CEP295: variants seen among roughly 807,000 people sequenced by gnomAD.
The protein encoded by CEP295 is centrosomal protein of 295 kDa.
A neutral mutation model predicts 291.6 loss-of-function variants in CEP295; 190 were observed. That is an observed-to-expected ratio of 0.65 (90% CI 0.58 to 0.73). The LOEUF is 0.73. Ranked by LOEUF, CEP295 falls within the 30% of genes least tolerant of loss-of-function variation. The probability of loss-of-function intolerance (pLI) is 0.00; values close to 1 mark genes in which losing one functional copy is unlikely to be tolerated. For synonymous variants in CEP295, 993 were observed against 1,038.8 expected (o/e 0.96, Z 0.85); for missense variants, 2,863 against 2,949.4 (o/e 0.97, Z 0.68).
intron 18 of CEP295, among the ~76,000 whole-genome samples, chr11:93,711,771 A>G (rs2022984): frequency 6.6e-6 from 1 of 151,882 alleles, no homozygotes; most frequent in African/African-American, 2.4e-5. Context: ...TCAGCCTCCC[A>G]AAGTGCTGGG....
Position 93,699,161 on chromosome 11 carries a change from C to A in CEP295, c.4249C>A (p.Gln1417Lys), listed in dbSNP as rs776065743. ...ACCTCTTAATGAATCTGAAAGAAAC[C>A]AAGAACCATGTTCAATTAACAGTGA... ...SLPLNESERN[Q>K]EPCSINSDNI... The change falls in exon 15 of 30, where the codon CAA (glutamine) becomes AAA (lysine). Residue 1417 changes from glutamine to lysine, a missense_variant. This residue lies in a region of CEP295 where 2,295 missense variants were observed against 2,335.7 expected (regional missense o/e 0.98). Coordinates refer to ENST00000325212, the MANE Select transcript of CEP295 (RefSeq NM_033395.2). The A allele has an allele frequency of 1.9e-6, 3 of 1,551,792 alleles. No homozygotes were observed. The highest frequency in any genetic ancestry group is 2.6e-6 in the Non-Finnish European group (3 of 1,147,088).
At position 93,697,080 on chromosome 11, in the gene CEP295, A is replaced by G. The variant is rs1216115207; in HGVS notation, c.2168A>G (p.Tyr723Cys). 3 of 1,551,694 alleles carry G rather than the reference A, an allele frequency of 1.9e-6. No homozygotes were observed. In the Admixed American group the frequency reaches 5.9e-5, roughly 30 times the overall value. The stretch of plus-strand genomic sequence containing the variant: ...CAGACTGAAACACAACAGAGAGACT[A>G]TAAATTGGTCCCCAAAGATTCTGAG... Reference protein sequence around the residue: ...FSQTETQQRDYKLVPKDSETL... With the variant: ...FSQTETQQRDCKLVPKDSETL... Residue 723 changes from tyrosine (Y) to cysteine (C), a missense_variant, in exon 15 of 30, where the codon TAT (tyrosine) becomes TGT (cysteine). Around this residue, in one of 3 missense-constraint regions of CEP295, gnomAD observed 2,295 missense variants for 2,335.7 expected, o/e 0.98. Coordinates refer to ENST00000325212, the MANE Select transcript of CEP295 (RefSeq NM_033395.2).
rs774583814 is a variant in CEP295, at chr11:93,721,929, G to A, written c.5851-25G>A. The A allele has an allele frequency of 2.3e-5, 35 of 1,519,552 alleles. 1 individual carries two copies. In the South Asian group the frequency reaches 3.8e-4, roughly 17 times the overall value. The allele number at this position is 1,519,552 out of a possible 1,614,324, so 94.1% of individuals were successfully genotyped here. A position where few individuals can be genotyped will look rare whatever the true frequency, so the allele number is the denominator to read the frequency against. On this transcript the variant is annotated intron_variant, in intron 19 of 29. Coordinates refer to ENST00000325212, the MANE Select transcript of CEP295 (RefSeq NM_033395.2). ...CTTACATACTACTTGCTACATTGTG[G>A]TATGATATTCCCCTTAATTTCTAGG...
intron 13 of CEP295, 46 bp downstream of exon 13, chr11:93,695,680 G>T: frequency 6.8e-7 from 1 of 1,468,316 alleles, no homozygotes; most frequent in Non-Finnish European, 8.9e-7. Flanking sequence ...TTTGGTAAGG[G>T]GGGCAAGAAA....
chr11:93,714,417 A>G (rs1953101321), intron 18 of CEP295, among the ~76,000 whole-genome samples: 1 of 152,080 alleles, frequency 6.6e-6, no homozygotes, highest in Admixed American at 6.6e-5. Flanking sequence ...CGCCCAGCTA[A>G]TTTTTGTATT....
At position 93,697,103 on chromosome 11, in the gene CEP295, G is replaced by A. The variant is rs1270457871; in HGVS notation, c.2191G>A (p.Glu731Lys). The A allele has an allele frequency of 4.5e-6, 7 of 1,551,550 alleles. No homozygotes were observed. The South Asian group carries it at 5.9e-5, about 13-fold the overall frequency. Residue 731 changes from glutamate to lysine, a missense_variant, in exon 15 of 30, where the codon GAG becomes AAG. This residue lies in a region of CEP295 where 2,295 missense variants were observed against 2,335.7 expected (regional missense o/e 0.98). Coordinates refer to ENST00000325212, the MANE Select transcript of CEP295 (RefSeq NM_033395.2). ...RDYKLVPKDS[E>K]TLSRALSHDR... ...CTATAAATTGGTCCCCAAAGATTCT[G>A]AGACACTTTCAAGGGCTTTGTCACA...
At chr11:93,673,627 G>A (rs1950551352) in intron 5 of CEP295, among the ~76,000 whole-genome samples, 1 of 152,018 alleles carries the variant, frequency 6.6e-6, no homozygotes, top group Admixed American at 6.6e-5. Flanking sequence ...CCAAGTAGCT[G>A]GGATTACAAG....
intron 17 of CEP295, among the ~76,000 whole-genome samples, chr11:93,705,531 A>G (rs1375721472): frequency 3.3e-5 from 5 of 151,950 alleles, no homozygotes; most frequent in Non-Finnish European, 5.9e-5. Flanking sequence ...TGAACTTTTG[A>G]TGATCAAATT....
intron 18 of CEP295, among the ~76,000 whole-genome samples, chr11:93,712,219 TC>T (rs976415730): frequency 1.3e-5 from 2 of 152,052 alleles, no homozygotes; most frequent in African/African-American, 4.8e-5. Flanking sequence ...CTTTTTTTTT[TC>T]CTATGGTTTT....
At chr11:93,711,186 A>G (rs1952869948) in intron 18 of CEP295, among the ~76,000 whole-genome samples, 1 of 151,512 alleles carries the variant, frequency 6.6e-6, no homozygotes, top group Non-Finnish European at 1.5e-5. Context: ...TTTAAGATGC[A>G]TTTTTAGGTT....
chr11:93,727,036 A>T lies in CEP295; in HGVS notation c.6560A>T (p.His2187Leu), dbSNP rs1292355509. 6.4e-7 allele frequency: 1 copy of T among 1,551,092 alleles called. No individual in the cohort carries two copies. ...PEYSSQEESQ[H>L]ADLPSIFSIE... ...TATTCTTCACAGGAGGAGAGCCAGC[A>T]TGCTGATCTACCAAGTATTTTTAGC... The change falls in exon 24 of 30, where the codon CAT becomes CTT. Residue 2187 changes from histidine (H) to leucine (L), a missense_variant. Physicochemically the swap from His to Leu is moderately conservative, Grantham distance 99. This residue lies in a region of CEP295 where 2,295 missense variants were observed against 2,335.7 expected (regional missense o/e 0.98). Coordinates refer to ENST00000325212, the MANE Select transcript of CEP295 (RefSeq NM_033395.2).
At chr11:93,725,043 C>G (rs995103084) in intron 22 of CEP295, among the ~76,000 whole-genome samples, 1 of 151,900 alleles carries the variant, frequency 6.6e-6, no homozygotes, top group Non-Finnish European at 1.5e-5. Flanking sequence ...TTGCTTGAGG[C>G]CAGGAGTTTG....
intron 17 of CEP295, 24 bp from the exon 18 acceptor site, chr11:93,706,721 G>A: frequency 6.7e-7 from 1 of 1,495,230 alleles, no homozygotes; most frequent in Admixed American, 2.5e-5. Flanking sequence ...AGAAATTGAA[G>A]TGGAAATATT....
rs548244429 is a variant in CEP295 at position 93,698,754 on chromosome 11, C to A, written c.3842C>A (p.Thr1281Lys). ...TTCAGCCAGAAAACCCAAGAAAATA[C>A]ATCTTCTGAACAAACTGGTTCATCT... is the stretch of plus-strand genomic sequence containing the variant. ...FHFSQKTQEN[T>K]SSEQTGSSSF... Residue 1281 changes from threonine to lysine, a missense_variant, in exon 15 of 30, where the codon ACA (threonine) becomes AAA (lysine). Around this residue, in one of 3 missense-constraint regions of CEP295, gnomAD observed 2,295 missense variants for 2,335.7 expected, o/e 0.98. Coordinates refer to ENST00000325212, the MANE Select transcript of CEP295 (RefSeq NM_033395.2). The A allele has an allele frequency of 7.3e-5, 114 of 1,551,684 alleles. 1 individual carries two copies. In the Admixed American group the frequency reaches 2.1e-3, roughly 29 times the overall value.
chr11:93,723,698 G>A (rs570096117), intron 21 of CEP295: 1 of 160,768 alleles, frequency 6.2e-6, no homozygotes, highest in Admixed American at 6.2e-5. Flanking sequence ...ATGAGATAGT[G>A]CACATAAAGC....
intron 23 of CEP295, chr11:93,726,549 A>G (rs939192150): frequency 3.3e-5 from 5 of 153,796 alleles, no homozygotes; most frequent in African/African-American, 1.2e-4. Flanking sequence ...AGCCTGGGCA[A>G]CATAGAAAAC....
chr11:93,690,977 T>A (rs1951516470), intron 10 of CEP295, among the ~76,000 whole-genome samples: 1 of 152,232 alleles, frequency 6.6e-6, no homozygotes, highest in Non-Finnish European at 1.5e-5. Context: ...TTCAAGTGTC[T>A]GCTTAAATGT....
intron 18 of CEP295, among the ~76,000 whole-genome samples, chr11:93,718,994 G>C (rs1482521417): frequency 6.6e-6 from 1 of 152,092 alleles, no homozygotes; most frequent in Non-Finnish European, 1.5e-5. Flanking sequence ...TGTAGTCCCA[G>C]CTACTCAGGA....
chr11:93,698,607 G>T lies in CEP295; in HGVS notation c.3695G>T (p.Ser1232Ile). 6.4e-7 allele frequency: 1 copy of T among 1,551,616 alleles called. No individual in the cohort carries two copies. The highest frequency in any genetic ancestry group is 1.2e-5 in the South Asian group (1 of 84,048). ...SIKSDSTIPL[S>I]HPKIPRCQER... ...AAGAGTGACAGTACCATTCCCTTAA[G>T]CCATCCTAAGATCCCAAGATGTCAG... Residue 1232 changes from serine to isoleucine, a missense_variant, in exon 15 of 30, where the codon AGC (serine) becomes ATC (isoleucine). This residue lies in a region of CEP295 where 2,295 missense variants were observed against 2,335.7 expected (regional missense o/e 0.98). Coordinates refer to ENST00000325212, the MANE Select transcript of CEP295 (RefSeq NM_033395.2).
Sources: gnomAD v4.1 joint callset for allele counts (sites outside exome capture counted in the v4.1 genomes callset) on GRCh38, gnomAD v4.1.1 for gene constraint, gnomAD v4.1.1 regional missense constraint, MANE v1.5 for transcripts, NCBI Gene and HGNC (gene_info 2026-07-23, HGNC 2026-07-21) for gene names.